The following PKHD1 variants were observed in gnomAD, a reference collection of about 807,000 sequenced individuals.
The protein encoded by PKHD1 is PKHD1 ciliary IPT domain containing fibrocystin/polyductin.
A neutral mutation model predicts 412.0 loss-of-function variants in PKHD1; 291 were observed. The ratio of observed to expected loss-of-function variants is 0.71; its 90% CI spans 0.64 to 0.78. PKHD1 has a LOEUF of 0.78. PKHD1 is among the 30% of genes least tolerant of loss of function. The pLI is 0.00. For synonymous variants in PKHD1, 1,777 were observed against 1,821.5 expected (o/e 0.98, Z 0.62); for missense variants, 4,825 against 4,950.7 (o/e 0.97, Z 0.76).
At chr6:52,002,434 C>T (rs1429161475) in intron 35 of PKHD1, among the ~76,000 whole-genome samples, 1 of 152,206 alleles carries the variant, frequency 6.6e-6, no homozygotes, top group East Asian at 1.9e-4. Context: ...GCCTTTCCAG[C>T]TTCTCCTCCC....
chr6:51,644,245 A>G (rs1769780069), intron 63 of PKHD1, among the ~76,000 whole-genome samples: 1 of 152,210 alleles, frequency 6.6e-6, no homozygotes. Context: ...TGAAAACAAC[A>G]TCAAATGATT....
chr6:52,024,785 G>A lies in PKHD1; in HGVS notation c.5025C>T (p.Ala1675=). The A allele has an allele frequency of 6.2e-7, 1 of 1,614,114 alleles. No individual in the cohort carries two copies. Among genetic ancestry groups the A allele is most frequent in the Non-Finnish European group, 8.5e-7 (1 of 1,179,988 alleles). ...CAATGTTTGCAGCTCCTGAGATCTGGGCCACTGCAAAGGTTAAGATGTCAT... is the reference window on the plus strand; with the variant it reads ...CAATGTTTGCAGCTCCTGAGATCTGAGCCACTGCAAAGGTTAAGATGTCAT... The part of the protein sequence containing the change: ...QSDDILTFAV[A]QISGAANIDI... Residue 1675 remains alanine, a synonymous_variant, in exon 32 of 67, where the codon GCC becomes GCT. Transcript: ENST00000371117.
In PKHD1 at chr6:51,870,438, C is replaced by G. The variant is rs1039063367; in HGVS notation, c.7486+66G>C. 14 of 1,270,186 alleles carry G rather than the reference C, an allele frequency of 1.1e-5. No individual in the cohort carries two copies. In the African/African-American group the frequency reaches 1.5e-4, roughly 13 times the overall value. The allele number at this position is 1,270,186 out of a possible 1,614,324, so 78.7% of individuals were successfully genotyped here. ...ATAATGATTCACAAAGTATTTGCCA[C>G]TATTTATAATACTGACTTGAATATG... On this transcript the variant is annotated intron_variant, in intron 47 of 66. Transcript: ENST00000371117.
At chr6:51,932,692 A>G (rs1786831900) in intron 37 of PKHD1, among the ~76,000 whole-genome samples, 1 of 152,248 alleles carries the variant, frequency 6.6e-6, no homozygotes, top group African/African-American at 2.4e-5. Context: ...GAAGTTGATC[A>G]TAGAATCAAC....
intron 45 of PKHD1, among the ~76,000 whole-genome samples, chr6:51,883,674 A>G (rs1436501401): frequency 6.6e-6 from 1 of 152,226 alleles, no homozygotes; most frequent in Non-Finnish European, 1.5e-5. Context: ...TAATTTCAAC[A>G]TAAGTTATGT....
chr6:51,892,934 A>G (rs980404301), intron 43 of PKHD1, among the ~76,000 whole-genome samples: 2 of 152,192 alleles, frequency 1.3e-5, no homozygotes, highest in Non-Finnish European at 2.9e-5. Context: ...TATACAAAGA[A>G]ATACCACAGC....
At position 52,048,533 on chromosome 6, in the gene PKHD1, C is replaced by A. The variant is rs865780152; in HGVS notation, c.2366G>T (p.Gly789Val). The A allele has an allele frequency of 5.0e-6, 8 of 1,613,988 alleles. No individual in the cohort carries two copies. The highest frequency in any genetic ancestry group is 6.8e-6 in the Non-Finnish European group (8 of 1,179,976). Residue 789 changes from glycine to valine, a missense_variant, in exon 23 of 67, where the codon GGA becomes GTA. Physicochemically the swap from Gly to Val is moderately radical, Grantham distance 109 (BLOSUM62 -3). Transcript: ENST00000371117. Reference sequence around the variant, plus strand: ...AGGAAGCTGGATGCGAAAGTGTCCTCCTAGAGGTGGACTTGTCCGCTGTCG... The same window carrying A: ...AGGAAGCTGGATGCGAAAGTGTCCTACTAGAGGTGGACTTGTCCGCTGTCG... Reference protein sequence around the residue: ...QRRQRTSPPLGGHFRIQLPNT... With the variant: ...QRRQRTSPPLVGHFRIQLPNT...
At chr6:51,887,517 G>A (rs1778412089) in intron 43 of PKHD1, among the ~76,000 whole-genome samples, 1 of 152,090 alleles carries the variant, frequency 6.6e-6, no homozygotes, top group Admixed American at 6.5e-5. Flanking sequence ...TGGATCACGG[G>A]GTCAGTTTCT....
chr6:51,899,337 C>A (rs542060396), intron 43 of PKHD1, among the ~76,000 whole-genome samples: 11 of 151,716 alleles, frequency 7.3e-5, no homozygotes, highest in Admixed American at 3.9e-4. Flanking sequence ...TGGGCTTCAT[C>A]CCTGGGATGC....
intron 29 of PKHD1, among the ~76,000 whole-genome samples, chr6:52,028,791 G>C (rs558796171): frequency 6.6e-6 from 1 of 152,174 alleles, no homozygotes; most frequent in East Asian, 1.9e-4. Context: ...GGATTACAGG[G>C]GTAAGCCACC....
intron 46 of PKHD1, among the ~76,000 whole-genome samples, chr6:51,882,675 T>C (rs1777566748): frequency 6.6e-6 from 1 of 152,212 alleles, no homozygotes; most frequent in African/African-American, 2.4e-5. Flanking sequence ...CTTTGCCCCA[T>C]CTGCATCCTT....
At chr6:51,960,071 C>G in intron 35 of PKHD1, 45 bp from the exon 36 acceptor site, 1 of 1,598,552 alleles carries the variant, frequency 6.3e-7, no homozygotes, top group Non-Finnish European at 8.6e-7. Flanking sequence ...GGTTGGTTGG[C>G]TGGTCTGTTG....
At chr6:51,890,546 GAA>G (rs76785636) in intron 43 of PKHD1, among the ~76,000 whole-genome samples, 1 of 139,036 alleles carries the variant, frequency 7.2e-6, no homozygotes, top group Non-Finnish European at 1.6e-5. Context: ...ATAGTCACCA[GAA>G]AAAAAAAAAA....
chr6:51,953,097 C>T (rs1790596847), intron 36 of PKHD1, among the ~76,000 whole-genome samples: 2 of 152,054 alleles, frequency 1.3e-5, no homozygotes, highest in Admixed American at 6.6e-5. Context: ...ATGAATCAAC[C>T]TTGTTGTATT....
At chr6:51,764,834 C>T (rs996695182) in intron 55 of PKHD1, among the ~76,000 whole-genome samples, 5 of 152,022 alleles carry the variant, frequency 3.3e-5, no homozygotes, top group African/African-American at 1.2e-4. Context: ...CTCCCAACCA[C>T]AGAATCACGT....
intron 51 of PKHD1, among the ~76,000 whole-genome samples, chr6:51,831,886 G>T (rs188373016): frequency 6.6e-6 from 1 of 152,092 alleles, no homozygotes; most frequent in Admixed American, 6.6e-5. Flanking sequence ...AGCACATCAC[G>T]CACAACACCA....
At chr6:52,018,189 A>G (rs1392227776) in intron 33 of PKHD1, among the ~76,000 whole-genome samples, 1 of 152,104 alleles carries the variant, frequency 6.6e-6, no homozygotes, top group Non-Finnish European at 1.5e-5. Context: ...AAATTTATCT[A>G]TTCTCTTATC....
In PKHD1 at chr6:51,867,994, T is replaced by G; in HGVS notation, c.7602A>C (p.Lys2534Asn). Residue 2534 changes from lysine (K) to asparagine (N), a missense_variant, in exon 48 of 67, where the codon AAA (lysine) becomes AAC (asparagine). Transcript: ENST00000371117. Reference protein sequence around the residue: ...LEDLDGSLSGKNRSHILASME... With the variant: ...LEDLDGSLSGNNRSHILASME... ...TAGAAGCAAGAATGTGACTTCTGTT[T>G]TTCCCAGACAGAGACCCATCCAAGT... 6.2e-7 allele frequency: 1 copy of G among 1,613,496 alleles called. No homozygotes were observed. Among genetic ancestry groups the G allele is most frequent in the Non-Finnish European group, 8.5e-7 (1 of 1,179,486 alleles).
At chr6:51,691,293 T>A (rs1415472625) in intron 60 of PKHD1, among the ~76,000 whole-genome samples, 1 of 152,138 alleles carries the variant, frequency 6.6e-6, no homozygotes, top group African/African-American at 2.4e-5. Context: ...GACCCAGCAA[T>A]CTCATTACTG....
Sources: allele counts gnomAD v4.1 joint callset (sites outside exome capture counted in the v4.1 genomes callset), GRCh38; gene constraint gnomAD v4.1.1; transcripts MANE v1.5; gene names NCBI Gene and HGNC (gene_info 2026-07-23, HGNC 2026-07-21).